PVT1: variants seen among roughly 807,000 people sequenced by gnomAD.
PVT1 encodes CXCR4/PVT1 fusion.
At chr8:128,052,576 C>A (rs1225321586) in intron 4 of PVT1, among the ~76,000 whole-genome samples, 1 of 152,190 alleles carries the variant, frequency 6.6e-6, no homozygotes, top group African/African-American at 2.4e-5. Context: ...CTGGAGACTA[C>A]TATTCTGCCA....
chr8:127,833,160 A>C (rs964368738), intron 2 of PVT1, among the ~76,000 whole-genome samples: 2 of 152,162 alleles, frequency 1.3e-5, no homozygotes, highest in African/African-American at 2.4e-5. Flanking sequence ...CTATGGAGCC[A>C]AAGGGAGTAA....
chr8:127,975,120 A>G (rs1368692565), intron 3 of PVT1, among the ~76,000 whole-genome samples: 1 of 152,240 alleles, frequency 6.6e-6, no homozygotes, highest in African/African-American at 2.4e-5. Context: ...TAAGGGTGCC[A>G]TGAGCATCTT....
intron 3 of PVT1, among the ~76,000 whole-genome samples, chr8:127,964,488 G>A (rs576896218): frequency 3.0e-4 from 45 of 152,306 alleles, no homozygotes; most frequent in Middle Eastern, 3.4e-3. Context: ...TGGAGGCAAA[G>A]GCCCTTATTG....
intron 2 of PVT1, among the ~76,000 whole-genome samples, chr8:127,826,631 G>C (rs1194998180): frequency 6.6e-6 from 1 of 152,180 alleles, no homozygotes; most frequent in Admixed American, 6.5e-5. Context: ...ATACACACAA[G>C]CATATTTGCA....
chr8:128,092,672 G>T (rs1426571902), intron 5 of PVT1, among the ~76,000 whole-genome samples: 2 of 152,198 alleles, frequency 1.3e-5, no homozygotes, highest in African/African-American at 2.4e-5. Context: ...GTTCAGATGA[G>T]GGCTGGGTCT....
chr8:127,933,915 CAG>C (rs1816242169), intron 3 of PVT1, among the ~76,000 whole-genome samples: 1 of 152,222 alleles, frequency 6.6e-6, no homozygotes, highest in Non-Finnish European at 1.5e-5. Context: ...TAAAGTGAGA[CAG>C]TCAAATGAGA....
At chr8:128,008,595 A>T (rs1817274829) in intron 4 of PVT1, among the ~76,000 whole-genome samples, 1 of 152,130 alleles carries the variant, frequency 6.6e-6, no homozygotes, top group African/African-American at 2.4e-5. Context: ...TTGCTTCTAA[A>T]TGTTAGTTTC....
intron 4 of PVT1, among the ~76,000 whole-genome samples, chr8:128,067,127 T>C (rs910645158): frequency 6.6e-6 from 1 of 152,178 alleles, no homozygotes; most frequent in Admixed American, 6.5e-5. Flanking sequence ...TCTTTGACAA[T>C]CTTGTTTTAT....
At chr8:127,935,440 T>C (rs1432248854) in intron 3 of PVT1, among the ~76,000 whole-genome samples, 1 of 152,078 alleles carries the variant, frequency 6.6e-6, no homozygotes, top group African/African-American at 2.4e-5. Context: ...TGTGTGTGTG[T>C]GTGTGTGTCT....
intron 4 of PVT1, among the ~76,000 whole-genome samples, chr8:128,053,639 C>T (rs1813726168): frequency 6.6e-6 from 1 of 152,100 alleles, no homozygotes; most frequent in Non-Finnish European, 1.5e-5. Context: ...GGACTAGAGG[C>T]AGCATGTTTA....
At chr8:128,016,091 A>C (rs1324606747) in intron 4 of PVT1, among the ~76,000 whole-genome samples, 2 of 152,182 alleles carry the variant, frequency 1.3e-5, no homozygotes, top group Non-Finnish European at 1.5e-5. Context: ...CAGCCTGGGC[A>C]ACATAGCGAA....
chr8:127,915,612 C>CAAAA lies in PVT1; in HGVS notation n.782+24634_782+24637dup, dbSNP rs61238663. On this transcript the variant is annotated intron_variant and non_coding_transcript_variant, in intron 3 of 10. Coordinates refer to ENST00000651587, the Ensembl canonical transcript of PVT1. ...GGGCAACAAGAGCGAAACTCCATCT[C>CAAAA]AAAAAAAAAAAAAAAAAAAAAAAGA... 1.3e-3 allele frequency among the ~76,000 whole-genome samples: 84 copies of CAAAA among 64,418 alleles called. 3 individuals carry two copies. The highest frequency in any genetic ancestry group is 3.9e-3 in the African/African-American group (71 of 18,356). The allele number at this position is 64,418 out of a possible 152,430, so 42.3% of individuals were successfully genotyped here.
intron 3 of PVT1, among the ~76,000 whole-genome samples, chr8:127,924,032 A>T (rs1315217861): frequency 1.3e-5 from 2 of 152,188 alleles, no homozygotes; most frequent in African/African-American, 2.4e-5. Flanking sequence ...CCCCTCTGGC[A>T]TGGTGTTGGA....
At chr8:128,051,744 A>C (rs1028506112) in intron 4 of PVT1, among the ~76,000 whole-genome samples, 1 of 151,878 alleles carries the variant, frequency 6.6e-6, no homozygotes, top group Non-Finnish European at 1.5e-5. Flanking sequence ...AGAATTTTTC[A>C]GTTCAGTCAT....
intron 2 of PVT1, among the ~76,000 whole-genome samples, chr8:127,848,762 A>G (rs748117222): frequency 6.6e-6 from 1 of 152,214 alleles, no homozygotes; most frequent in Non-Finnish European, 1.5e-5. Flanking sequence ...GCTGGTGACC[A>G]CCACCCCTAG....
chr8:127,806,081 A>G (rs1814523529), intron 2 of PVT1, among the ~76,000 whole-genome samples: 1 of 152,230 alleles, frequency 6.6e-6, no homozygotes, highest in Non-Finnish European at 1.5e-5. Flanking sequence ...TCTAGAATGT[A>G]TGCAGAATTC....
intron 3 of PVT1, among the ~76,000 whole-genome samples, chr8:127,933,561 G>A (rs868514586): frequency 6.6e-6 from 1 of 152,206 alleles, no homozygotes; most frequent in African/African-American, 2.4e-5. Context: ...TGAGATGTGT[G>A]CTGTGTACAG....
In PVT1 at chr8:127,876,032, C is replaced by G. The variant is rs375025721; in HGVS notation, n.373-14557C>G. Among the ~76,000 whole-genome samples the G allele has an allele frequency of 3.9e-5, 6 of 152,360 alleles. No individual in the cohort carries two copies. In the East Asian group the frequency reaches 7.7e-4, roughly 20 times the overall value. ...CCTGGCAAAGAGGCACCCTCCACCC[C>G]CCCTCACCCTCAGCCAGGTTTACTG... On this transcript the variant is annotated intron_variant and non_coding_transcript_variant, in intron 2 of 10. Coordinates refer to ENST00000651587, the Ensembl canonical transcript of PVT1.
chr8:128,075,108 C>A (rs1042906401), intron 5 of PVT1, among the ~76,000 whole-genome samples: 1 of 152,096 alleles, frequency 6.6e-6, no homozygotes, highest in Non-Finnish European at 1.5e-5. Context: ...AAGATGTGTC[C>A]TTTTGCAAAC....
Sources: gnomAD v4.1 joint callset for allele counts (sites outside exome capture counted in the v4.1 genomes callset) on GRCh38, gnomAD v4.1.1 for gene constraint, MANE v1.5 for transcripts, NCBI Gene and HGNC (gene_info 2026-07-23, HGNC 2026-07-21) for gene names.